The following EFNA5 variants were observed in gnomAD, a reference collection of about 807,000 sequenced individuals.
EFNA5 encodes ephrin-A5.
Under a neutral mutation model 22.9 loss-of-function variants are expected in EFNA5, and 5 were observed. That is an observed-to-expected ratio of 0.22 (90% CI 0.11 to 0.46). The LOEUF is 0.46. Ranked by LOEUF, EFNA5 falls within the 20% of genes least tolerant of loss-of-function variation. The pLI is 0.99. For synonymous variants in EFNA5, 113 were observed against 112.2 expected (o/e 1.01, Z -0.04); for missense variants, 237 against 293.3 (o/e 0.81, Z 1.40).
chr5:107,527,609 A>T (rs1299357462), intron 1 of EFNA5, among the ~76,000 whole-genome samples: 1 of 152,138 alleles, frequency 6.6e-6, no homozygotes, highest in East Asian at 1.9e-4. Context: ...AGGTTCATCT[A>T]GATTGGGGTG....
chr5:107,584,681 G>A (rs1749139331), intron 1 of EFNA5, among the ~76,000 whole-genome samples: 1 of 152,138 alleles, frequency 6.6e-6, no homozygotes, highest in Non-Finnish European at 1.5e-5. Context: ...GATAGTTACT[G>A]CTGATGAGCA....
At chr5:107,383,331 T>C (rs1747520843) in intron 4 of EFNA5, among the ~76,000 whole-genome samples, 1 of 152,348 alleles carries the variant, frequency 6.6e-6, no homozygotes, top group African/African-American at 2.4e-5. Context: ...TCCTCCACAA[T>C]GTGGCCAAGT....
In EFNA5 at chr5:107,558,265, GT is replaced by G. The variant is rs375512073; in HGVS notation, c.125+112223del. ...TACATAATGCCACACAGATTATACT[GT>G]TTTTTTTTTGTTGTTTATTTTTTGT... On this transcript the variant is annotated intron_variant, in intron 1 of 4. Coordinates refer to ENST00000333274, the MANE Select transcript of EFNA5 (RefSeq NM_001962.3). 9.3e-3 allele frequency among the ~76,000 whole-genome samples: 1,365 copies of G among 147,554 alleles called. 15 individuals are homozygous for G. The highest frequency in any genetic ancestry group is 0.031 in the African/African-American group (1,230 of 40,316).
rs73200625 is a variant in EFNA5, at chr5:107,612,902, G to C, written c.125+57587C>G. On this transcript the variant is annotated intron_variant, in intron 1 of 4. Coordinates refer to ENST00000333274, the MANE Select transcript of EFNA5 (RefSeq NM_001962.3). ...GAAAGTTAAAGGAAATAACCTTCTA[G>C]ACATAGAAACTCAGTAGCAAAACAG... Among the ~76,000 whole-genome samples, 532 of 152,192 alleles carry C rather than the reference G, an allele frequency of 3.5e-3. 3 individuals carry two copies. Among genetic ancestry groups the C allele is most frequent in the African/African-American group, 0.012 (507 of 41,550 alleles).
intron 1 of EFNA5, among the ~76,000 whole-genome samples, chr5:107,493,817 A>C (rs529487847): frequency 1.3e-5 from 2 of 152,278 alleles, no homozygotes; most frequent in South Asian, 4.1e-4. Context: ...GGCACAGTCT[A>C]TCATTTAATA....
intron 1 of EFNA5, among the ~76,000 whole-genome samples, chr5:107,654,033 G>C (rs1250088472): frequency 6.6e-6 from 1 of 152,180 alleles, no homozygotes; most frequent in Non-Finnish European, 1.5e-5. Flanking sequence ...CATGAATTAA[G>C]AGTATGCTAT....
In EFNA5 at chr5:107,492,009, AT is replaced by A. The variant is rs112244623; in HGVS notation, c.126-64501del. Among the ~76,000 whole-genome samples the A allele has an allele frequency of 7.8e-3, 1,184 of 152,050 alleles. 10 individuals are homozygous for A. Among genetic ancestry groups the A allele is most frequent in the African/African-American group, 0.025 (1,047 of 41,470 alleles). ...GCCACTATGCCAGGCTAATTTTTGTATTTTTATTCGAGACAGGGTTTCGCCA... is the reference window on the plus strand; with the variant it reads ...GCCACTATGCCAGGCTAATTTTTGTATTTTATTCGAGACAGGGTTTCGCCA... On this transcript the variant is annotated intron_variant, in intron 1 of 4. Coordinates refer to ENST00000333274, the MANE Select transcript of EFNA5 (RefSeq NM_001962.3).
chr5:107,599,366 A>G (rs983926105), intron 1 of EFNA5, among the ~76,000 whole-genome samples: 1 of 152,220 alleles, frequency 6.6e-6, no homozygotes, highest in African/African-American at 2.4e-5. Flanking sequence ...ATATGCTCTG[A>G]GTATGATATG....
chr5:107,460,947 A>G (rs1165405888), intron 1 of EFNA5, among the ~76,000 whole-genome samples: 1 of 152,192 alleles, frequency 6.6e-6, no homozygotes, highest in Non-Finnish European at 1.5e-5. Flanking sequence ...TTCATTCCAC[A>G]TCTATCATGC....
chr5:107,644,310 T>C lies in EFNA5; in HGVS notation c.125+26179A>G, dbSNP rs1466517998. On this transcript the variant is annotated intron_variant, in intron 1 of 4. Transcript: ENST00000333274. Reference sequence around the variant, plus strand: ...TACTATATTGCTACTTGTTATCTTCTAGTAACCTTCAGAAAAACTTTAGTG... The same window carrying C: ...TACTATATTGCTACTTGTTATCTTCCAGTAACCTTCAGAAAAACTTTAGTG... 3.9e-5 allele frequency among the ~76,000 whole-genome samples: 6 copies of C among 152,100 alleles called. No individual in the cohort carries two copies. In the East Asian group the frequency reaches 1.2e-3, roughly 29 times the overall value.
chr5:107,388,913 T>C (rs1216837176), intron 2 of EFNA5, among the ~76,000 whole-genome samples: 1 of 152,164 alleles, frequency 6.6e-6, no homozygotes. Flanking sequence ...AACACAAAAA[T>C]GCTTCTTTTG....
chr5:107,576,812 G>C (rs1324814642), intron 1 of EFNA5, among the ~76,000 whole-genome samples: 1 of 152,148 alleles, frequency 6.6e-6, no homozygotes, highest in Non-Finnish European at 1.5e-5. Context: ...CCTCCCTTTA[G>C]AATCTCAGAA....
chr5:107,397,598 G>A (rs1233463927), intron 2 of EFNA5, among the ~76,000 whole-genome samples: 1 of 151,674 alleles, frequency 6.6e-6, no homozygotes, highest in South Asian at 2.1e-4. Context: ...ACAAATCAAT[G>A]ATTTCTTTGG....
intron 2 of EFNA5, among the ~76,000 whole-genome samples, chr5:107,392,158 C>G (rs1001514723): frequency 1.3e-5 from 2 of 152,206 alleles, no homozygotes; most frequent in African/African-American, 4.8e-5. Flanking sequence ...TGCCATCATG[C>G]TTGTGGCGGG....
chr5:107,594,275 T>C (rs1451206270), intron 1 of EFNA5, among the ~76,000 whole-genome samples: 1 of 152,180 alleles, frequency 6.6e-6, no homozygotes, highest in Non-Finnish European at 1.5e-5. Flanking sequence ...CATAATCACC[T>C]TTTTAAAAAT....
chr5:107,609,945 T>C (rs564900198), intron 1 of EFNA5, among the ~76,000 whole-genome samples: 17 of 152,340 alleles, frequency 1.1e-4, no homozygotes, highest in Admixed American at 3.9e-4. Flanking sequence ...CATTTAATTG[T>C]ATTCATCAAC....
intron 1 of EFNA5, among the ~76,000 whole-genome samples, chr5:107,447,446 C>T (rs1238594985): frequency 6.6e-6 from 1 of 152,184 alleles, no homozygotes; most frequent in Non-Finnish European, 1.5e-5. Flanking sequence ...TATTGATAGC[C>T]TCCTGTGGCT....
rs1281823984 is a variant in EFNA5 at position 107,617,233 on chromosome 5, C to CAGAGAGAGAGAGAG, written c.125+53255_125+53256insCTCTCTCTCTCTCT. ...ATACACACACACACACACACACACA[C>CAGAGAGAGAGAGAG]ACACAGAGAGAGAGAGAGAGAGAGA... is the stretch of plus-strand genomic sequence containing the variant. On this transcript the variant is annotated intron_variant, in intron 1 of 4. Transcript: ENST00000333274. Among the ~76,000 whole-genome samples, 506 of 149,154 alleles carry CAGAGAGAGAGAGAG rather than the reference C, an allele frequency of 3.4e-3. 4 individuals are homozygous for CAGAGAGAGAGAGAG. Among genetic ancestry groups the CAGAGAGAGAGAGAG allele is most frequent in the African/African-American group, 0.012 (485 of 40,022 alleles).
At chr5:107,547,527 CAA>C (rs780912118) in intron 1 of EFNA5, among the ~76,000 whole-genome samples, 3 of 133,194 alleles carry the variant, frequency 2.3e-5, no homozygotes, top group Admixed American at 7.7e-5. Context: ...ACTGATGTTC[CAA>C]AAAAAAAAAA....
Sources: gnomAD v4.1 joint callset for allele counts (sites outside exome capture counted in the v4.1 genomes callset) on GRCh38, gnomAD v4.1.1 for gene constraint, MANE v1.5 for transcripts, NCBI Gene and HGNC (gene_info 2026-07-23, HGNC 2026-07-21) for gene names.